Variants in PPARGC1A observed in about 807,000 individuals in gnomAD.
The protein encoded by PPARGC1A is peroxisome proliferator-activated receptor gamma coactivator 1-alpha.
In PPARGC1A, 25 loss-of-function variants were observed where a neutral mutation model predicts 88.7. The ratio of observed to expected loss-of-function variants is 0.28; its 90% CI spans 0.21 to 0.39. The LOEUF (loss-of-function observed/expected upper bound fraction) is 0.39. PPARGC1A is among the 10% of genes least tolerant of loss of function. PPARGC1A has a pLI of 1.00. For synonymous variants in PPARGC1A, 363 were observed against 355.6 expected (o/e 1.02, Z -0.24); for missense variants, 880 against 968.7 (o/e 0.91, Z 1.22).
the PPARGC1A span, among the ~76,000 whole-genome samples, chr4:24,362,677 AG>A: frequency 6.6e-6 from 1 of 152,166 alleles, no homozygotes; most frequent in Non-Finnish European, 1.5e-5. Context: ...AAATGTCTAG[AG>A]GTTGTTTGCA....
the PPARGC1A span, among the ~76,000 whole-genome samples, chr4:23,921,748 G>A: frequency 2.0e-5 from 3 of 152,204 alleles, no homozygotes; most frequent in African/African-American, 7.2e-5. Flanking sequence ...TTAGTTGGGA[G>A]TTGGAAATTA....
At chr4:24,249,138 A>AT in the PPARGC1A span, among the ~76,000 whole-genome samples, 1 of 152,162 alleles carries the variant, frequency 6.6e-6, no homozygotes, top group Non-Finnish European at 1.5e-5. Flanking sequence ...AGTCTGTCAA[A>AT]TGTCACCACA....
the PPARGC1A span, among the ~76,000 whole-genome samples, chr4:24,296,495 G>A: frequency 1.3e-5 from 2 of 152,094 alleles, no homozygotes; most frequent in Non-Finnish European, 2.9e-5. Context: ...TCACCTAAGA[G>A]CCAGCCTCTT....
At chr4:24,441,590 C>T in the PPARGC1A span, among the ~76,000 whole-genome samples, 1 of 152,118 alleles carries the variant, frequency 6.6e-6, no homozygotes, top group Non-Finnish European at 1.5e-5. Context: ...CCTGTTGCTG[C>T]CCCAGCCCAA....
chr4:24,332,996 C>T, the PPARGC1A span, among the ~76,000 whole-genome samples: 2 of 152,194 alleles, frequency 1.3e-5, no homozygotes, highest in African/African-American at 2.4e-5. Flanking sequence ...AATCCCAGCA[C>T]TTCGGGAGGC....
the PPARGC1A span, among the ~76,000 whole-genome samples, chr4:24,173,713 A>T: frequency 6.6e-6 from 1 of 152,240 alleles, no homozygotes. Context: ...TATTCACTAC[A>T]GCAGCTCAGT....
At chr4:24,216,709 G>C in the PPARGC1A span, among the ~76,000 whole-genome samples, 1 of 152,106 alleles carries the variant, frequency 6.6e-6, no homozygotes, top group Non-Finnish European at 1.5e-5. Flanking sequence ...ACAGTTTCCA[G>C]AATATACAAA....
At chr4:24,467,793 T>C in the PPARGC1A span, among the ~76,000 whole-genome samples, 1 of 152,192 alleles carries the variant, frequency 6.6e-6, no homozygotes, top group Non-Finnish European at 1.5e-5. Flanking sequence ...TACTGGCTAA[T>C]TCAAAACAGT....
At chr4:24,267,617 A>C in the PPARGC1A span, among the ~76,000 whole-genome samples, 1 of 152,300 alleles carries the variant, frequency 6.6e-6, no homozygotes, top group African/African-American at 2.4e-5. Flanking sequence ...GAGGAGGTGG[A>C]AGCTTCATAG....
chr4:23,928,660 T>C, the PPARGC1A span, among the ~76,000 whole-genome samples: 1 of 150,862 alleles, frequency 6.6e-6, no homozygotes, highest in Non-Finnish European at 1.5e-5. Context: ...ATATGTTCAT[T>C]GCAGCACTAT....
At chr4:24,289,793 TTTAAA>T in the PPARGC1A span, among the ~76,000 whole-genome samples, 10 of 152,204 alleles carry the variant, frequency 6.6e-5, no homozygotes, top group Non-Finnish European at 1.0e-4. Flanking sequence ...TCCAGCTTTT[TTTAAA>T]TTTATCTCCC....
chr4:24,368,600 T>C, the PPARGC1A span, among the ~76,000 whole-genome samples: 1 of 152,172 alleles, frequency 6.6e-6, no homozygotes, highest in African/African-American at 2.4e-5. Flanking sequence ...CAAGGGCTTT[T>C]AAAATGGCAA....
the PPARGC1A span, among the ~76,000 whole-genome samples, chr4:24,272,986 C>T: frequency 2.0e-5 from 3 of 152,202 alleles, no homozygotes; most frequent in Non-Finnish European, 4.4e-5. Context: ...AAATTTAGTT[C>T]TACCTAACTG....
At chr4:24,256,860 G>A in the PPARGC1A span, among the ~76,000 whole-genome samples, 3 of 152,148 alleles carry the variant, frequency 2.0e-5, no homozygotes, top group African/African-American at 4.8e-5. Flanking sequence ...ATGGGGCCTG[G>A]AGAAGATAGA....
the PPARGC1A span, among the ~76,000 whole-genome samples, chr4:24,094,114 C>T: frequency 2.8e-3 from 420 of 152,188 alleles, 5 homozygotes; most frequent in East Asian, 0.051. Flanking sequence ...ACTGCAGATG[C>T]GTGTGTTGCT....
the PPARGC1A span, among the ~76,000 whole-genome samples, chr4:24,077,123 G>A: frequency 6.6e-6 from 1 of 152,032 alleles, no homozygotes; most frequent in Non-Finnish European, 1.5e-5. Context: ...CTGATCCAGA[G>A]TGGCTTCTCT....
the PPARGC1A span, among the ~76,000 whole-genome samples, chr4:23,946,329 G>A: frequency 6.6e-6 from 1 of 152,096 alleles, no homozygotes; most frequent in Non-Finnish European, 1.5e-5. Context: ...TTTTCATAGA[G>A]AGAGAGCCTC....
At chr4:24,062,970 T>C in the PPARGC1A span, among the ~76,000 whole-genome samples, 1 of 152,238 alleles carries the variant, frequency 6.6e-6, no homozygotes, top group Non-Finnish European at 1.5e-5. Context: ...CCAACACTTC[T>C]AGAATTCCTA....
the PPARGC1A span, among the ~76,000 whole-genome samples, chr4:24,419,104 C>A: frequency 6.6e-6 from 1 of 151,912 alleles, no homozygotes; most frequent in Non-Finnish European, 1.5e-5. Flanking sequence ...TGGTTAAAAA[C>A]AGAGGGAAAA....
Sources: gnomAD v4.1 joint callset for allele counts (sites outside exome capture counted in the v4.1 genomes callset) on GRCh38, gnomAD v4.1.1 for gene constraint, MANE v1.5 for transcripts, NCBI Gene and HGNC (gene_info 2026-07-23, HGNC 2026-07-21) for gene names.